The following STK33 variants were observed in gnomAD, a reference collection of about 807,000 sequenced individuals.
STK33 encodes serine/threonine-protein kinase 33.
A neutral mutation model predicts 58.0 loss-of-function variants in STK33; 52 were observed. The ratio of observed to expected loss-of-function variants is 0.90; its 90% CI spans 0.72 to 1.13. STK33 has a LOEUF of 1.13. STK33 is among the 50% of genes most tolerant of loss of function. The pLI is 0.00. For missense variants in STK33, 630 were observed against 604.2 expected, an observed-to-expected ratio of 1.04 and a Z score of -0.45; for synonymous variants, 215 against 200.1, an observed-to-expected ratio of 1.07 and a Z score of -0.63.
At chr11:8,370,055 A>G in the STK33 span, among the ~76,000 whole-genome samples, 3 of 152,196 alleles carry the variant, frequency 2.0e-5, no homozygotes, top group Admixed American at 1.3e-4. Context: ...AGCTACACCA[A>G]TGAAGGCAGG....
At chr11:8,562,832 T>TA (rs943341215) in intron 1 of STK33, among the ~76,000 whole-genome samples, 2 of 152,304 alleles carry the variant, frequency 1.3e-5, no homozygotes, top group African/African-American at 4.8e-5. Context: ...GCACTGAAGA[T>TA]ACAGCAATGA....
intron 1 of STK33, among the ~76,000 whole-genome samples, chr11:8,516,229 T>C (rs1464264110): frequency 1.3e-5 from 2 of 152,178 alleles, no homozygotes; most frequent in African/African-American, 4.8e-5. Context: ...TGGAACAGAA[T>C]AGAGATCCCA....
At chr11:8,389,510 C>T (rs1325954534), downstream of STK33, among the ~76,000 whole-genome samples, 1 of 152,210 alleles carries the variant, frequency 6.6e-6, no homozygotes, top group Non-Finnish European at 1.5e-5. Context: ...CCAGAGGCCA[C>T]AGCTCCTTGG....
the STK33 span, among the ~76,000 whole-genome samples, chr11:8,368,369 C>G: frequency 1.3e-5 from 2 of 152,184 alleles, no homozygotes; most frequent in South Asian, 4.1e-4. Context: ...TGCCTCTTGC[C>G]CAAGGAGGGT....
chr11:8,351,761 A>G, the STK33 span, among the ~76,000 whole-genome samples: 1 of 152,158 alleles, frequency 6.6e-6, no homozygotes, highest in African/African-American at 2.4e-5. Context: ...GACAGATGCC[A>G]TGCCTGGTCC....
At chr11:8,582,627 T>A (rs1004561372) in intron 1 of STK33, among the ~76,000 whole-genome samples, 1 of 152,126 alleles carries the variant, frequency 6.6e-6, no homozygotes, top group Non-Finnish European at 1.5e-5. Flanking sequence ...CCTTGATACG[T>A]GGGGATTATG....
rs1435395427 is a variant in STK33, at chr11:8,466,168, C to G, written c.340-1346G>C. On this transcript the variant is annotated intron_variant, in intron 6 of 15. Coordinates refer to ENST00000687296, the MANE Select transcript of STK33 (RefSeq NM_001352389.2). Reference sequence around the variant, plus strand: ...AAACCATATCATTCCAACTCTGGCCCTTCCCAAATCACATATGTTCACATT... The same window carrying G: ...AAACCATATCATTCCAACTCTGGCCGTTCCCAAATCACATATGTTCACATT... 2.0e-5 allele frequency: 3 copies of G among 152,144 alleles called. No homozygotes were observed. The East Asian group carries it at 5.8e-4, about 29-fold the overall frequency. 9.4% of individuals were successfully genotyped at this position (152,144 alleles called of 1,614,324 possible).
At chr11:8,360,567 T>C in the STK33 span, among the ~76,000 whole-genome samples, 1,910 of 152,388 alleles carry the variant, frequency 0.013, 40 homozygotes, top group African/African-American at 0.043. Context: ...CACAGTCTGA[T>C]GGGCTCTCTG....
chr11:8,439,815 C>T (rs1944492739), intron 12 of STK33, among the ~76,000 whole-genome samples: 1 of 142,220 alleles, frequency 7.0e-6, no homozygotes, highest in South Asian at 2.3e-4. Flanking sequence ...TGACACTTCT[C>T]CGTATACAAA....
chr11:8,421,476 T>C (rs2135889274), intron 14 of STK33, among the ~76,000 whole-genome samples: 1 of 152,326 alleles, frequency 6.6e-6, no homozygotes, highest in South Asian at 2.1e-4. Flanking sequence ...TGTACTCTGT[T>C]TTATTCTGTT....
intron 8 of STK33, 85 bp downstream of exon 8, chr11:8,461,720 C>T (rs952522084): frequency 3.7e-6 from 4 of 1,081,222 alleles, no homozygotes; most frequent in African/African-American, 3.3e-5. Context: ...AGCAACTGTG[C>T]CCCAAAGGGA....
At position 8,502,669 on chromosome 11, in the gene STK33, A is replaced by T. The variant is rs188918640; in HGVS notation, c.-465-22055T>A. ...ACTAAAGAGCTTCTGCACAGAGGAA[A>T]AAAAGAAACTAATCAACAGAACAGA... On this transcript the variant is annotated intron_variant, in intron 1 of 15. Transcript: ENST00000687296. 9.2e-4 allele frequency among the ~76,000 whole-genome samples: 140 copies of T among 152,262 alleles called. 2 individuals carry two copies. The highest frequency in any genetic ancestry group is 4.1e-4 in the South Asian group (2 of 4,832).
At chr11:8,348,826 T>C in the STK33 span, among the ~76,000 whole-genome samples, 1 of 152,068 alleles carries the variant, frequency 6.6e-6, no homozygotes. Flanking sequence ...TGAGCATCCC[T>C]GAAACAGTGG....
At chr11:8,365,167 C>T in the STK33 span, among the ~76,000 whole-genome samples, 3 of 152,230 alleles carry the variant, frequency 2.0e-5, no homozygotes, top group African/African-American at 7.2e-5. Context: ...CCTCTGGGGC[C>T]ACTCAGCTGC....
chr11:8,338,327 C>G, the STK33 span, among the ~76,000 whole-genome samples: 2 of 152,168 alleles, frequency 1.3e-5, no homozygotes, highest in East Asian at 3.9e-4. Flanking sequence ...GAAAAAGGAT[C>G]CAGACATTCC....
At chr11:8,457,311 G>A in intron 9 of STK33, 30 bp downstream of exon 9, 1 of 1,496,666 alleles carries the variant, frequency 6.7e-7, no homozygotes, top group South Asian at 1.4e-5. Context: ...GTATTCATGG[G>A]GTCAATGAGC....
intron 1 of STK33, among the ~76,000 whole-genome samples, chr11:8,589,272 T>G (rs375466840): frequency 2.0e-4 from 31 of 152,208 alleles, no homozygotes; most frequent in Middle Eastern, 3.4e-3. Flanking sequence ...CAAATGGTCA[T>G]CAACTGATGA....
chr11:8,408,067 T>A (rs1939577871), intron 15 of STK33, among the ~76,000 whole-genome samples: 1 of 152,200 alleles, frequency 6.6e-6, no homozygotes, highest in Admixed American at 6.5e-5. Flanking sequence ...ACTATCTGGA[T>A]AAATATAAGA....
intron 15 of STK33, among the ~76,000 whole-genome samples, chr11:8,409,317 A>C (rs2135532214): frequency 6.6e-6 from 1 of 152,338 alleles, no homozygotes; most frequent in East Asian, 1.9e-4. Context: ...GGCTTTCTGC[A>C]GGCATGCTCT....
Sources: gnomAD v4.1 joint callset for allele counts (sites outside exome capture counted in the v4.1 genomes callset) on GRCh38, gnomAD v4.1.1 for gene constraint, MANE v1.5 for transcripts, NCBI Gene and HGNC (gene_info 2026-07-23, HGNC 2026-07-21) for gene names.